ASB4: variants seen among roughly 807,000 people sequenced by gnomAD.
ASB4 encodes the protein ankyrin repeat and SOCS box protein 4.
ASB4 carries 35 observed loss-of-function variants against 38.6 expected under a neutral mutation model. The observed-to-expected ratio is 0.91, with a 90% confidence interval of 0.69 to 1.20. The LOEUF (loss-of-function observed/expected upper bound fraction) is 1.20, where lower values mean the gene tolerates loss of function less well. Among genes scored for constraint, ASB4 ranks in the 50% most tolerant of loss-of-function variants. ASB4 has a pLI of 0.00. For synonymous variants in ASB4, 195 were observed against 201.3 expected, an observed-to-expected ratio of 0.97 and a Z score of 0.26; for missense variants, 557 against 527.2, an observed-to-expected ratio of 1.06 and a Z score of -0.55.
At chr7:95,496,133 C>A in intron 2 of ASB4, 76 bp downstream of exon 2, 2 of 1,370,794 alleles carry the variant, frequency 1.5e-6, no homozygotes, top group South Asian at 1.3e-5. Flanking sequence ...CCCCTACCTA[C>A]CCCAGATGAT....
the ASB4 span, among the ~76,000 whole-genome samples, chr7:95,471,115 A>T: frequency 1.6e-4 from 24 of 152,104 alleles, no homozygotes; most frequent in East Asian, 4.3e-3. Flanking sequence ...GCTCATTTCT[A>T]AGTGTGTTTT....
At chr7:95,517,584 G>A (rs983798754) in intron 2 of ASB4, among the ~76,000 whole-genome samples, 1 of 150,348 alleles carries the variant, frequency 6.7e-6, no homozygotes, top group Non-Finnish European at 1.5e-5. Context: ...GGAGAAGAAA[G>A]CACACCCAAG....
At chr7:95,487,615 T>A (rs923259338) in intron 1 of ASB4, among the ~76,000 whole-genome samples, 1 of 151,598 alleles carries the variant, frequency 6.6e-6, no homozygotes, top group Non-Finnish European at 1.5e-5. Context: ...AGGGGAGAGG[T>A]GGGGTTGGTT....
intron 2 of ASB4, among the ~76,000 whole-genome samples, chr7:95,503,982 C>T (rs1274824716): frequency 6.6e-6 from 1 of 152,186 alleles, no homozygotes; most frequent in East Asian, 1.9e-4. Context: ...CCCCCATCTC[C>T]TGGCCTTTGT....
rs551238370 is a variant in ASB4, at chr7:95,534,989, T to C, written c.979-1448T>C. Reference sequence around the variant, plus strand: ...GCTTCATCTTACCAGCTCTGACCTTTAGCCCTGCCCTGACTCCATCCAGGT... The same window carrying C: ...GCTTCATCTTACCAGCTCTGACCTTCAGCCCTGCCCTGACTCCATCCAGGT... On this transcript the variant is annotated intron_variant, in intron 3 of 4. Transcript: ENST00000325885. 5.3e-5 allele frequency among the ~76,000 whole-genome samples: 8 copies of C among 152,334 alleles called. No individual in the cohort carries two copies. The South Asian group carries it at 1.2e-3, about 24-fold the overall frequency.
intron 4 of ASB4, among the ~76,000 whole-genome samples, 178 bp downstream of exon 4, chr7:95,536,728 T>C (rs1210932447): frequency 6.6e-6 from 1 of 152,186 alleles, no homozygotes; most frequent in Admixed American, 6.5e-5. Flanking sequence ...CCATCAAATA[T>C]GTGGCATTAA....
In ASB4 at chr7:95,486,075, C is replaced by T. The variant is rs758630384; in HGVS notation, c.104C>T (p.Ala35Val). ...TCCAATGACTTCGGAAAATTGAAGG[C>T]TATTTTGATCCAAAGGCAAATAGAT... is the stretch of plus-strand genomic sequence containing the variant. ...LKSNDFGKLK[A>V]ILIQRQIDVD... Residue 35 changes from alanine (A) to valine (V), a missense_variant, in exon 1 of 5, where the codon GCT (alanine) becomes GTT (valine). By Grantham distance (64) the Ala-to-Val change is moderately conservative. Transcript: ENST00000325885. 3 of 1,614,006 alleles carry T rather than the reference C, an allele frequency of 1.9e-6. No homozygotes were observed. The highest frequency in any genetic ancestry group is 3.3e-5 in the Admixed American group (2 of 60,016).
At chr7:95,473,936 G>A (rs1380498295), upstream of ASB4, 1 of 152,124 alleles carries the variant, frequency 6.6e-6, no homozygotes, top group Non-Finnish European at 1.5e-5. Context: ...ATGGCTTTGG[G>A]GACATTTCTT....
chr7:95,476,631 C>T (rs899776885), upstream of ASB4, among the ~76,000 whole-genome samples: 1 of 152,188 alleles, frequency 6.6e-6, no homozygotes, highest in Non-Finnish European at 1.5e-5. Context: ...GCTTTAACCT[C>T]CATCTGTGGC....
upstream of ASB4, among the ~76,000 whole-genome samples, chr7:95,484,958 A>ATACATATGTGTG (rs1562807634): frequency 1.2e-4 from 15 of 124,498 alleles, no homozygotes; most frequent in African/African-American, 4.5e-4. Context: ...ACACACACAT[A>ATACATATGTGTG]TATATATGTG....
intron 1 of ASB4, among the ~76,000 whole-genome samples, chr7:95,480,347 A>G (rs990321335): frequency 3.9e-5 from 6 of 152,326 alleles, no homozygotes; most frequent in South Asian, 2.1e-4. Context: ...TGCAGTACTT[A>G]TAAAAAGTAC....
chr7:95,486,679 T>G (rs889215669), intron 1 of ASB4, among the ~76,000 whole-genome samples: 7 of 152,254 alleles, frequency 4.6e-5, no homozygotes, highest in Non-Finnish European at 1.0e-4. Flanking sequence ...ATGGTCTTCT[T>G]CATTTTAATG....
chr7:95,549,519 G>A, the ASB4 span, among the ~76,000 whole-genome samples: 10 of 151,760 alleles, frequency 6.6e-5, no homozygotes, highest in East Asian at 2.0e-4. Context: ...GGATGGTCTC[G>A]ATCTCCTGAC....
intron 4 of ASB4, among the ~76,000 whole-genome samples, chr7:95,536,783 A>G (rs941877205): frequency 6.6e-5 from 10 of 152,234 alleles, no homozygotes; most frequent in Non-Finnish European, 1.5e-4. Flanking sequence ...AGTTGAATTA[A>G]GTATATAAAG....
intron 3 of ASB4, among the ~76,000 whole-genome samples, chr7:95,528,988 G>C (rs79880794): frequency 2.6e-5 from 4 of 152,044 alleles, no homozygotes; most frequent in Non-Finnish European, 4.4e-5. Context: ...CACACTGCAC[G>C]GTTTTTCTTA....
chr7:95,529,675 T>A (rs1358115236), intron 3 of ASB4, among the ~76,000 whole-genome samples: 1 of 152,214 alleles, frequency 6.6e-6, no homozygotes, highest in African/African-American at 2.4e-5. Flanking sequence ...ATGTCATGAA[T>A]TTTCCAAAAG....
downstream of ASB4, among the ~76,000 whole-genome samples, chr7:95,541,262 C>G (rs1790966048): frequency 6.6e-6 from 1 of 152,060 alleles, no homozygotes. Context: ...CTTCATAGGA[C>G]TTTTATAGGA....
chr7:95,472,860 G>C, the ASB4 span, among the ~76,000 whole-genome samples: 1 of 152,060 alleles, frequency 6.6e-6, no homozygotes, highest in Non-Finnish European at 1.5e-5. Flanking sequence ...CCATCCCACG[G>C]TGTTTGCATA....
At chr7:95,484,474 T>C (rs536983946), upstream of ASB4, among the ~76,000 whole-genome samples, 2 of 152,326 alleles carry the variant, frequency 1.3e-5, no homozygotes, top group African/African-American at 4.8e-5. Context: ...AACCTCAATG[T>C]TGATTACATG....
Sources: allele counts gnomAD v4.1 joint callset (sites outside exome capture counted in the v4.1 genomes callset), GRCh38; gene constraint gnomAD v4.1.1; transcripts MANE v1.5; gene names NCBI Gene and HGNC (gene_info 2026-07-23, HGNC 2026-07-21).